The following DPH1 variants were observed in gnomAD, a reference collection of about 807,000 sequenced individuals.
DPH1 encodes diphthamide biosynthesis 1, also known as 2-(3-amino-3-carboxypropyl)histidine synthase subunit 1.
In DPH1, 59 loss-of-function variants were observed where a neutral mutation model predicts 55.3. The ratio of observed to expected loss-of-function variants is 1.07; its 90% CI spans 0.87 to 1.33. DPH1 has a LOEUF of 1.33. Ranked by LOEUF, DPH1 falls within the 40% of genes most tolerant of loss-of-function variation. DPH1 has a pLI of 0.00. For missense variants in DPH1, 628 were observed against 584.8 expected, an observed-to-expected ratio of 1.07 and a Z score of -0.76; for synonymous variants, 238 against 235.5, an observed-to-expected ratio of 1.01 and a Z score of -0.10.
At position 2,042,144 on chromosome 17, in the gene DPH1, C is replaced by G. The variant is rs564933862; in HGVS notation, c.*18+269C>G. On this transcript the variant is annotated intron_variant, in intron 12 of 12. Coordinates refer to ENST00000263083, the MANE Select transcript of DPH1 (RefSeq NM_001383.6). ...GAAGACCGGGGCGCTGAGGAAGGCG[C>G]TGCGGGGTCGCGCCGAGCTCGTGTG... The G allele has an allele frequency of 4.6e-5, 70 of 1,530,850 alleles. No individual in the cohort carries two copies. The highest frequency in any genetic ancestry group is 8.1e-5 in the Admixed American group (4 of 49,108). The allele number at this position is 1,530,850 out of a possible 1,614,324, so 94.8% of individuals were successfully genotyped here.
At position 2,043,007 on chromosome 17, in the gene DPH1, G is replaced by C; in HGVS notation, c.*421G>C. On this transcript the variant is annotated 3_prime_UTR_variant, in exon 13 of 13. Coordinates refer to ENST00000263083, the MANE Select transcript of DPH1 (RefSeq NM_001383.6). ...GTGCAACTGGCCAGCCAATTTCCCG[G>C]AGCCATCACCCTCACCCACTCTGGT... The C allele has an allele frequency of 6.2e-7, 1 of 1,614,052 alleles. No homozygotes were observed. Among genetic ancestry groups the C allele is most frequent in the Middle Eastern group, 1.6e-4 (1 of 6,062 alleles).
At chr17:2,037,147 C>A in intron 6 of DPH1, 191 bp downstream of exon 6, 1 of 774,542 alleles carries the variant, frequency 1.3e-6, no homozygotes, top group Non-Finnish European at 1.9e-6. Flanking sequence ...ACTGCCCAGT[C>A]CATCATCCAG....
intron 7 of DPH1, 94 bp from the exon 8 acceptor site, chr17:2,040,124 G>A (rs1222325840): frequency 2.0e-6 from 3 of 1,531,602 alleles, no homozygotes; most frequent in African/African-American, 2.7e-5. Context: ...GGGGCCTAAA[G>A]GTTCAGGAGC....
rs201266276 is a variant in DPH1 at position 2,036,929 on chromosome 17, G to C, written c.653G>C (p.Arg218Pro). The C allele has an allele frequency of 1.2e-6, 2 of 1,613,726 alleles. No homozygotes were observed. The highest frequency in any genetic ancestry group is 1.7e-6 in the Non-Finnish European group (2 of 1,179,944). The change falls in exon 6 of 13, where the codon CGA (arginine) becomes CCA (proline). Residue 218 changes from arginine (R) to proline (P), a missense_variant. Coordinates refer to ENST00000263083, the MANE Select transcript of DPH1 (RefSeq NM_001383.6). The surrounding 1 kb of genome is among the most constrained non-coding windows in gnomAD (Gnocchi z 4.8). ...GAGATCCTGGGCTGCACATCCCCCC[G>C]ACTGTCCAAAGAGGTGGAGGCCGTT... Reference protein sequence around the residue: ...PGEILGCTSPRLSKEVEAVVY... With the variant: ...PGEILGCTSPPLSKEVEAVVY...
At chr17:2,042,457 C>G in intron 12 of DPH1, 148 bp from the exon 13 acceptor site, 3 of 1,292,540 alleles carry the variant, frequency 2.3e-6, no homozygotes, top group Non-Finnish European at 2.0e-6. Flanking sequence ...GGCCAATCCA[C>G]TCATTTCCCC....
chr17:2,030,749 C>T (rs1168762748), intron 1 of DPH1, among the ~76,000 whole-genome samples: 1 of 152,198 alleles, frequency 6.6e-6, no homozygotes, highest in Non-Finnish European at 1.5e-5. Context: ...GTCCCTGGGA[C>T]ACATTGAAGG....
At chr17:2,041,021 G>T in intron 9 of DPH1, 82 bp from the exon 10 acceptor site, 1 of 1,332,606 alleles carries the variant, frequency 7.5e-7, no homozygotes. Flanking sequence ...TGGGTGTGCT[G>T]GGGGCACTGT....
At chr17:2,042,023 C>T (rs768418145) in intron 12 of DPH1, 148 bp downstream of exon 12, 3 of 1,497,554 alleles carry the variant, frequency 2.0e-6, no homozygotes, top group African/African-American at 2.8e-5. Flanking sequence ...GCTTCCGGTG[C>T]TTCCGTCGCT....
At position 2,036,943 on chromosome 17, in the gene DPH1, G is replaced by A; in HGVS notation, c.667G>A (p.Val223Met). The A allele has an allele frequency of 6.2e-7, 1 of 1,613,432 alleles. No individual in the cohort carries two copies. Among genetic ancestry groups the A allele is most frequent in the Non-Finnish European group, 8.5e-7 (1 of 1,179,808 alleles). ...GCTSPRLSKE[V>M]EAVVYLGDGR... Reference sequence around the variant, plus strand: ...CACATCCCCCCGACTGTCCAAAGAGGTGGAGGCCGTTGTGTAAGTTAAAAA... The same window carrying A: ...CACATCCCCCCGACTGTCCAAAGAGATGGAGGCCGTTGTGTAAGTTAAAAA... Residue 223 changes from valine (V) to methionine (M), a missense_variant, in exon 6 of 13, where the codon GTG becomes ATG. Physicochemically the swap from Val to Met is conservative, Grantham distance 21. Transcript: ENST00000263083. This position sits in a 1 kb window ranked among gnomAD's most constrained non-coding sequence, Gnocchi z 4.8.
chr17:2,033,615 C>T lies in DPH1; in HGVS notation c.172C>T (p.Pro58Ser). 1.9e-6 allele frequency: 3 copies of T among 1,614,238 alleles called. No homozygotes were observed. Among genetic ancestry groups the T allele is most frequent in the Non-Finnish European group, 2.5e-6 (3 of 1,180,052 alleles). ...GCCTTCCAACTACAACTTTGAGATC[C>T]CCAAGACCATCTGGAGGATCCAACA... ...VLPSNYNFEI[P>S]KTIWRIQQAQ... Residue 58 changes from proline (P) to serine (S), a missense_variant, in exon 2 of 13, where the codon CCC (proline) becomes TCC (serine). Transcript: ENST00000263083.
At chr17:2,042,485 A>G in intron 12 of DPH1, 120 bp from the exon 13 acceptor site, 1 of 1,379,312 alleles carries the variant, frequency 7.2e-7, no homozygotes, top group Non-Finnish European at 9.5e-7. Context: ...TTTCCCCCAG[A>G]CTTTTGCCTC....
intron 12 of DPH1, 173 bp downstream of exon 12, chr17:2,042,048 A>G (rs1318230760): frequency 2.0e-6 from 3 of 1,523,902 alleles, no homozygotes; most frequent in South Asian, 2.4e-5. Flanking sequence ...GCCGGGCATA[A>G]TGGCCGCGCA....
intron 6 of DPH1, chr17:2,039,109 TGGA>T (rs1326543662): frequency 1.3e-5 from 2 of 152,398 alleles, no homozygotes; most frequent in East Asian, 3.9e-4. Context: ...TCGCCCAGGC[TGGA>T]GTGCAGAGGT....
At chr17:2,041,723 G>T (rs1296456824) in intron 11 of DPH1, 45 bp from the exon 12 acceptor site, 1 of 1,583,108 alleles carries the variant, frequency 6.3e-7, no homozygotes, top group South Asian at 1.1e-5. Context: ...GGAGGGAAAC[G>T]CAGGGTCGCA....
Position 2,036,702 on chromosome 17 carries a change from A to C in DPH1, c.558+16A>C. 6.2e-7 allele frequency: 1 copy of C among 1,613,740 alleles called. No homozygotes were observed. Among genetic ancestry groups the C allele is most frequent in the Non-Finnish European group, 8.5e-7 (1 of 1,179,888 alleles). ...GACCTTGCAGGTGGGTGGAACGAGG[A>C]TCCTCGGCCTCCTGCAGGGTGGACA... On this transcript the variant is annotated intron_variant, in intron 5 of 12. Coordinates refer to ENST00000263083, the MANE Select transcript of DPH1 (RefSeq NM_001383.6). This position sits in a 1 kb window ranked among gnomAD's most constrained non-coding sequence, Gnocchi z 4.8.
intron 1 of DPH1, 35 bp downstream of exon 1, chr17:2,030,265 C>T: frequency 6.5e-7 from 1 of 1,542,984 alleles, no homozygotes; most frequent in Non-Finnish European, 8.7e-7. Flanking sequence ...CCAGACCTCG[C>T]ATCTCGGGGC....
chr17:2,036,253 T>C lies in DPH1; in HGVS notation c.400+162T>C. ...CCTTCCCGCTCTGCAGGTAGATCTT[T>C]CCTTTGGATTTGGTTGCCTTGGCAA... On this transcript the variant is annotated intron_variant, in intron 4 of 12. Coordinates refer to ENST00000263083, the MANE Select transcript of DPH1 (RefSeq NM_001383.6). The surrounding 1 kb of genome is among the most constrained non-coding windows in gnomAD (Gnocchi z 4.8). The C allele has an allele frequency of 7.5e-7, 1 of 1,338,272 alleles. No individual in the cohort carries two copies. Among genetic ancestry groups the C allele is most frequent in the Non-Finnish European group, 9.9e-7 (1 of 1,006,470 alleles). 82.9% of individuals were successfully genotyped at this position (1,338,272 alleles called of 1,614,324 possible).
chr17:2,043,403 A>T lies in DPH1; in HGVS notation c.*817A>T, dbSNP rs2067582363. On this transcript the variant is annotated 3_prime_UTR_variant, in exon 13 of 13. Coordinates refer to ENST00000263083, the MANE Select transcript of DPH1 (RefSeq NM_001383.6). ...AGAGGCTGGCACCATGGTGACTGCC[A>T]CATAATAAAGTGGTGATTTGGATTT... 2.9e-6 allele frequency: 1 copy of T among 348,304 alleles called. No individual in the cohort carries two copies. Among genetic ancestry groups the T allele is most frequent in the South Asian group, 6.4e-5 (1 of 15,556 alleles). 21.6% of individuals were successfully genotyped at this position (348,304 alleles called of 1,614,324 possible).
rs1007876660 is a variant in DPH1, at chr17:2,043,205, C to G, written c.*619C>G. ...CCTCCACTCACTGCTGTGAGTGCGC[C>G]TCACCAGAACCAGTTAAGAGACAAC... On this transcript the variant is annotated 3_prime_UTR_variant, in exon 13 of 13. Coordinates refer to ENST00000263083, the MANE Select transcript of DPH1 (RefSeq NM_001383.6). The G allele has an allele frequency of 9.5e-6, 13 of 1,363,120 alleles. No individual in the cohort carries two copies. The Admixed American group carries it at 2.1e-4, about 22-fold the overall frequency. The allele number at this position is 1,363,120 out of a possible 1,614,324, so 84.4% of individuals were successfully genotyped here.
Sources: gnomAD v4.1 joint callset for allele counts (sites outside exome capture counted in the v4.1 genomes callset) on GRCh38, gnomAD v4.1.1 for gene constraint, Gnocchi (gnomAD v3.1) non-coding constraint, MANE v1.5 for transcripts, NCBI Gene and HGNC (gene_info 2026-07-23, HGNC 2026-07-21) for gene names.